The following CLSTN2 variants were observed in gnomAD, a reference collection of about 807,000 sequenced individuals.
The protein encoded by CLSTN2 is calsyntenin 2, also known as calsyntenin-2.
Under a neutral mutation model 101.2 loss-of-function variants are expected in CLSTN2, and 48 were observed. The ratio of observed to expected loss-of-function variants is 0.47; its 90% CI spans 0.38 to 0.60. The LOEUF is 0.60. Ranked by LOEUF, CLSTN2 falls within the 20% of genes least tolerant of loss-of-function variation. The pLI is 0.00. For missense variants in CLSTN2, 1,160 were observed against 1,238.2 expected (o/e 0.94, Z 0.95); for synonymous variants, 481 against 463.6 (o/e 1.04, Z -0.48).
chr3:140,050,224 G>A (rs2007964317), intron 1 of CLSTN2, among the ~76,000 whole-genome samples: 1 of 152,120 alleles, frequency 6.6e-6, no homozygotes, highest in Non-Finnish European at 1.5e-5. Flanking sequence ...TTTCTCACCT[G>A]GGAACAGGGG....
At chr3:140,367,320 G>A (rs2087802309) in intron 2 of CLSTN2, among the ~76,000 whole-genome samples, 1 of 151,914 alleles carries the variant, frequency 6.6e-6, no homozygotes, top group African/African-American at 2.4e-5. Flanking sequence ...CGAGACCATC[G>A]TGGCCAGTAT....
chr3:140,504,562 A>G (rs1934647187), intron 8 of CLSTN2, among the ~76,000 whole-genome samples: 1 of 152,168 alleles, frequency 6.6e-6, no homozygotes, highest in African/African-American at 2.4e-5. Flanking sequence ...AGACTGTATA[A>G]TCTGGTTCCT....
intron 1 of CLSTN2, among the ~76,000 whole-genome samples, chr3:140,049,616 C>T (rs1576409723): frequency 6.6e-6 from 1 of 152,148 alleles, no homozygotes; most frequent in Non-Finnish European, 1.5e-5. Flanking sequence ...AGTGCCTAAG[C>T]TGGGCCATGA....
chr3:140,539,993 T>G (rs1935441872), intron 9 of CLSTN2, among the ~76,000 whole-genome samples: 1 of 152,116 alleles, frequency 6.6e-6, no homozygotes, highest in Non-Finnish European at 1.5e-5. Flanking sequence ...TCAGACATCA[T>G]GTTTAGTAGG....
At position 140,562,815 on chromosome 3, in the gene CLSTN2, G is replaced by A; in HGVS notation, c.2217G>A (p.Val739=). The A allele has an allele frequency of 6.2e-7, 1 of 1,613,776 alleles. No individual in the cohort carries two copies. Among genetic ancestry groups the A allele is most frequent in the East Asian group, 2.2e-5 (1 of 44,858 alleles). The change falls in exon 14 of 17, where the codon GTG becomes GTA. Residue 739 remains valine (V), a synonymous_variant. Transcript: ENST00000458420. ...NSTAGYSIYG[V]GSMSRYEQVL... is the part of the protein sequence containing the mutation. ...AGGTGTGGTCTCTTGGCACAGGTGT[G>A]GGCTCCATGAGCCGCTATGAGCAGG...
At chr3:140,555,343 T>C (rs1935772900) in intron 10 of CLSTN2, among the ~76,000 whole-genome samples, 1 of 152,182 alleles carries the variant, frequency 6.6e-6, no homozygotes, top group Admixed American at 6.5e-5. Context: ...ATCAAGCCTA[T>C]TAACAATAGG....
intron 6 of CLSTN2, chr3:140,454,500 T>C (rs1933346272): frequency 6.6e-6 from 1 of 152,188 alleles, no homozygotes; most frequent in Non-Finnish European, 1.5e-5. Flanking sequence ...TCTGTGCCTA[T>C]GCTTAAGGTA....
chr3:139,970,622 GC>G (rs1225590670), intron 1 of CLSTN2, among the ~76,000 whole-genome samples: 1 of 152,186 alleles, frequency 6.6e-6, no homozygotes, highest in African/African-American at 2.4e-5. Context: ...AAATGGCTTT[GC>G]GTGCCTCATC....
At chr3:140,354,134 G>A (rs2087639950) in intron 2 of CLSTN2, among the ~76,000 whole-genome samples, 1 of 152,148 alleles carries the variant, frequency 6.6e-6, no homozygotes, top group Non-Finnish European at 1.5e-5. Flanking sequence ...AGGGATGGAG[G>A]ATGTAAGGCC....
intron 2 of CLSTN2, among the ~76,000 whole-genome samples, chr3:140,200,249 T>C (rs2010700842): frequency 6.6e-6 from 1 of 152,196 alleles, no homozygotes; most frequent in Admixed American, 6.5e-5. Flanking sequence ...GGTTTGTACA[T>C]ATTTTAAGAT....
chr3:140,490,113 TATATACACACACACACACAC>T lies in CLSTN2; in HGVS notation c.1344+23384_1344+23403del, dbSNP rs1934322556. On this transcript the variant is annotated intron_variant, in intron 8 of 16. Transcript: ENST00000458420. ...GTATATATATATATATATATATATA[TATATACACACACACACACAC>T]ACACACACACACACACACACACACA... 2.5e-4 allele frequency among the ~76,000 whole-genome samples: 2 copies of T among 8,064 alleles called. 1 individual carries two copies. Among genetic ancestry groups the T allele is most frequent in the East Asian group, 0.01 (2 of 196 alleles). The allele number at this position is 8,064 out of a possible 152,430, so 5.3% of individuals were successfully genotyped here.
At chr3:140,471,295 A>T (rs1192841822) in intron 8 of CLSTN2, among the ~76,000 whole-genome samples, 1 of 152,126 alleles carries the variant, frequency 6.6e-6, no homozygotes, top group African/African-American at 2.4e-5. Flanking sequence ...CAGTGTCACA[A>T]TCTAATAATC....
intron 7 of CLSTN2, chr3:140,460,253 A>T (rs1933525999): frequency 6.1e-6 from 1 of 164,350 alleles, no homozygotes; most frequent in Admixed American, 5.6e-5. Context: ...GATAGCTACC[A>T]TTCGATAGGC....
At chr3:140,442,277 G>A (rs2108004790) in intron 5 of CLSTN2, among the ~76,000 whole-genome samples, 1 of 152,188 alleles carries the variant, frequency 6.6e-6, no homozygotes, top group Non-Finnish European at 1.5e-5. Context: ...TACACTCTGG[G>A]ACACCATTCA....
intron 1 of CLSTN2, among the ~76,000 whole-genome samples, chr3:140,110,402 A>G (rs1300187483): frequency 6.6e-6 from 1 of 152,246 alleles, no homozygotes; most frequent in African/African-American, 2.4e-5. Flanking sequence ...GCAAAGAGGG[A>G]AATGTAAACA....
chr3:140,417,621 T>C (rs2088445632), intron 4 of CLSTN2, among the ~76,000 whole-genome samples: 1 of 152,202 alleles, frequency 6.6e-6, no homozygotes, highest in Non-Finnish European at 1.5e-5. Flanking sequence ...TTCAAGTTCC[T>C]TTGGAGAAAT....
At chr3:139,976,907 C>CAA (rs1156264099) in intron 1 of CLSTN2, among the ~76,000 whole-genome samples, 1 of 152,154 alleles carries the variant, frequency 6.6e-6, no homozygotes, top group African/African-American at 2.4e-5. Context: ...GCCTAGAAGG[C>CAA]AAATATTCAG....
intron 1 of CLSTN2, among the ~76,000 whole-genome samples, chr3:139,946,025 T>C (rs1935209532): frequency 6.6e-6 from 1 of 152,220 alleles, no homozygotes; most frequent in Non-Finnish European, 1.5e-5. Context: ...CTCTTCAAAC[T>C]AAAAGCACTT....
Position 140,521,803 on chromosome 3 carries a change from C to T in CLSTN2, c.1345-10521C>T, listed in dbSNP as rs142165189. On this transcript the variant is annotated intron_variant, in intron 8 of 16. Coordinates refer to ENST00000458420, the MANE Select transcript of CLSTN2 (RefSeq NM_022131.3). ...CCTTCTCATGCAGATTCCAGCCTGT[C>T]ACTTGTGGCTCACTGGAATTCCAAG... Among the ~76,000 whole-genome samples, 11 of 152,320 alleles carry T rather than the reference C, an allele frequency of 7.2e-5. No individual in the cohort carries two copies. The East Asian group carries it at 2.1e-3, about 29-fold the overall frequency.
Sources: gnomAD v4.1 joint callset for allele counts (sites outside exome capture counted in the v4.1 genomes callset) on GRCh38, gnomAD v4.1.1 for gene constraint, MANE v1.5 for transcripts, NCBI Gene and HGNC (gene_info 2026-07-23, HGNC 2026-07-21) for gene names.